MYO19: variants seen among roughly 807,000 people sequenced by gnomAD.
MYO19 encodes the protein unconventional myosin-XIX.
A neutral mutation model predicts 129.2 loss-of-function variants in MYO19; 132 were observed. That is an observed-to-expected ratio of 1.02 (90% CI 0.89 to 1.18). MYO19 has a LOEUF of 1.18. Among genes scored for constraint, MYO19 ranks in the 50% most tolerant of loss-of-function variants. The probability of loss-of-function intolerance (pLI) is 0.00; values close to 1 mark genes in which losing one functional copy is unlikely to be tolerated. For synonymous variants in MYO19, 531 were observed against 477.2 expected, an observed-to-expected ratio of 1.11 and a Z score of -1.47; for missense variants, 1,210 against 1,216.7, an observed-to-expected ratio of 0.99 and a Z score of 0.08.
At chr17:36,508,162 A>C in intron 14 of MYO19, 10 of 362,782 alleles carry the variant, frequency 2.8e-5, no homozygotes, top group East Asian at 4.3e-5. Flanking sequence ...GGAAACCCAA[A>C]TGAAGTGTGA....
intron 18 of MYO19, among the ~76,000 whole-genome samples, 154 bp from the exon 19 acceptor site, chr17:36,505,558 C>G (rs1184736094): frequency 6.6e-6 from 1 of 152,190 alleles, no homozygotes; most frequent in Non-Finnish European, 1.5e-5. Context: ...GCTGCAGGCT[C>G]TCAACGAGCA....
intron 3 of MYO19, among the ~76,000 whole-genome samples, chr17:36,531,367 C>A (rs971453991): frequency 4.4e-4 from 63 of 143,014 alleles, no homozygotes; most frequent in South Asian, 6.7e-4. Flanking sequence ...TACACTCCAG[C>A]CTGGATGACA....
chr17:36,498,396 C>T lies in MYO19; in HGVS notation c.2627G>A (p.Gly876Asp), dbSNP rs766399707. 10 of 1,614,022 alleles carry T rather than the reference C, an allele frequency of 6.2e-6. No homozygotes were observed. In the East Asian group the frequency reaches 2.2e-4, roughly 36 times the overall value. The change falls in exon 25 of 26, where the codon GGT (glycine) becomes GAT (aspartate). Residue 876 changes from glycine (G) to aspartate (D), a missense_variant. Gly to Asp is a moderately conservative substitution (Grantham distance 94). Transcript: ENST00000614623. ...LGLVLANTAMGVGSFQRKLVV... is the reference protein window; with the variant it reads ...LGLVLANTAMDVGSFQRKLVV... ...TAATTTCCTCTGAAAGCTGCCTACA[C>T]CCATAGCCGTATTGGCCAGGACCAG...
intron 25 of MYO19, 115 bp downstream of exon 25, chr17:36,498,151 T>G: frequency 8.5e-7 from 1 of 1,171,172 alleles, no homozygotes; most frequent in Non-Finnish European, 1.2e-6. Context: ...GTTTACCCAG[T>G]AGGGTTAGGG....
intron 9 of MYO19, among the ~76,000 whole-genome samples, 194 bp from the exon 10 acceptor site, chr17:36,513,919 T>A (rs1322159431): frequency 6.6e-6 from 1 of 152,194 alleles, no homozygotes; most frequent in South Asian, 2.1e-4. Context: ...TCCAACCTGA[T>A]GCAAAAGAAC....
chr17:36,525,954 C>T (rs147145807), intron 5 of MYO19, among the ~76,000 whole-genome samples: 57 of 152,346 alleles, frequency 3.7e-4, no homozygotes, highest in African/African-American at 1.1e-3. Context: ...GCTCTCAGGA[C>T]AGACTGCCCC....
At chr17:36,526,546 G>A (rs774294974) in intron 5 of MYO19, among the ~76,000 whole-genome samples, 1 of 152,182 alleles carries the variant, frequency 6.6e-6, no homozygotes, top group Non-Finnish European at 1.5e-5. Flanking sequence ...AACATATGCT[G>A]AATTTTCCAG....
rs1285662972 is a variant in MYO19 at position 36,496,380 on chromosome 17, C to CT, written c.2783dup (p.Ser929ValfsTer7). On this transcript the variant is annotated frameshift_variant, in exon 26 of 26. Transcript: ENST00000614623. LOFTEE classifies it high-confidence loss of function. ...AGATGTCAGCATACCGCAGTGGAGA[C>CT]TTTCTGCAGTGAAACTTTATCGATC... is the stretch of plus-strand genomic sequence containing the variant. 1 of 1,613,998 alleles carries CT rather than the reference C, an allele frequency of 6.2e-7. No homozygotes were observed. The highest frequency in any genetic ancestry group is 1.1e-5 in the South Asian group (1 of 91,082).
chr17:36,513,731 G>A lies in MYO19; in HGVS notation c.721-6C>T. On this transcript the variant is annotated splice_region_variant and splice_polypyrimidine_tract_variant and intron_variant, in intron 9 of 25. Coordinates refer to ENST00000614623, the MANE Select transcript of MYO19 (RefSeq NM_001163735.2). ...TCACTGGCTCCTTTGCAAATCTGTG[G>A]AGAAGGGTAGGTGGGAGGCTGGGTA... 6.2e-7 allele frequency: 1 copy of A among 1,612,670 alleles called. No individual in the cohort carries two copies. The highest frequency in any genetic ancestry group is 2.2e-5 in the East Asian group (1 of 44,868).
At chr17:36,542,647 C>T (rs1208282749) in intron 1 of MYO19, among the ~76,000 whole-genome samples, 2 of 150,986 alleles carry the variant, frequency 1.3e-5, no homozygotes, top group African/African-American at 4.9e-5. Flanking sequence ...TGCAGTGAGC[C>T]GAGATAGCGC....
At chr17:36,530,529 TCA>T (rs1343691493) in intron 3 of MYO19, among the ~76,000 whole-genome samples, 1 of 141,712 alleles carries the variant, frequency 7.1e-6, no homozygotes, top group Non-Finnish European at 1.5e-5. Flanking sequence ...CGATCTCGAC[TCA>T]CTGCAAGCTC....
intron 19 of MYO19, chr17:36,504,276 T>C (rs1265202673): frequency 1.3e-5 from 6 of 472,730 alleles, no homozygotes; most frequent in Non-Finnish European, 2.2e-5. Flanking sequence ...CTGAAGCAAG[T>C]GATGTCCTGG....
At chr17:36,530,609 A>G (rs1567794003) in intron 3 of MYO19, among the ~76,000 whole-genome samples, 1 of 150,282 alleles carries the variant, frequency 6.7e-6, no homozygotes, top group Non-Finnish European at 1.5e-5. Context: ...GGCACGCGTA[A>G]AAGTGGCTTT....
At chr17:36,498,987 GCAGTGGCAGAGCCAGCATTC>G in intron 24 of MYO19, 68 bp downstream of exon 24, 1 of 1,054,936 alleles carries the variant, frequency 9.5e-7, no homozygotes, top group Non-Finnish European at 1.4e-6. Context: ...CACCTGCATT[GCAGTGGCAGAGCCAGCATTC>G]CCACTCGGGT....
chr17:36,511,319 C>T (rs776181535), intron 12 of MYO19, 46 bp downstream of exon 12: 6 of 1,544,854 alleles, frequency 3.9e-6, no homozygotes, highest in Middle Eastern at 1.7e-4. Context: ...GCAATGCTGG[C>T]TACCTTCCTG....
At chr17:36,514,954 G>C (rs1267019959) in intron 8 of MYO19, among the ~76,000 whole-genome samples, 159 bp downstream of exon 8, 1 of 152,160 alleles carries the variant, frequency 6.6e-6, no homozygotes, top group African/African-American at 2.4e-5. Flanking sequence ...TTCTCCAGGT[G>C]CAAAGATCAC....
chr17:36,527,504 C>G, intron 5 of MYO19, 47 bp downstream of exon 5: 4 of 1,588,706 alleles, frequency 2.5e-6, no homozygotes, highest in Non-Finnish European at 3.4e-6. Flanking sequence ...AGAGGTTTAG[C>G]GGGAGGTAGA....
chr17:36,525,636 A>T (rs557763401), intron 5 of MYO19, among the ~76,000 whole-genome samples: 45 of 152,288 alleles, frequency 3.0e-4, no homozygotes, highest in African/African-American at 1.1e-3. Flanking sequence ...CTATTACTTC[A>T]TATTACTATA....
intron 3 of MYO19, among the ~76,000 whole-genome samples, chr17:36,529,079 A>C (rs1287158157): frequency 6.6e-6 from 1 of 152,050 alleles, no homozygotes; most frequent in African/African-American, 2.4e-5. Flanking sequence ...CTTGAGAGAA[A>C]GCCTGGCTCA....
Sources: allele counts gnomAD v4.1 joint callset (sites outside exome capture counted in the v4.1 genomes callset), GRCh38; gene constraint gnomAD v4.1.1; transcripts MANE v1.5; gene names NCBI Gene and HGNC (gene_info 2026-07-23, HGNC 2026-07-21).